EFCAB11: variants seen among roughly 807,000 people sequenced by gnomAD.
EFCAB11 encodes the protein EF-hand calcium-binding domain-containing protein 11.
A neutral mutation model predicts 23.0 loss-of-function variants in EFCAB11; 14 were observed. The ratio of observed to expected loss-of-function variants is 0.61; its 90% CI spans 0.40 to 0.95. The LOEUF is 0.95. Among genes scored for constraint, EFCAB11 ranks in the 40% least tolerant of loss-of-function variants. The probability of loss-of-function intolerance (pLI) is 0.00; values close to 1 mark genes in which losing one functional copy is unlikely to be tolerated. For missense variants in EFCAB11, 198 were observed against 195.8 expected (o/e 1.01, Z -0.07); for synonymous variants, 65 against 66.6 (o/e 0.98, Z 0.11).
intron 5 of EFCAB11, among the ~76,000 whole-genome samples, chr14:89,860,295 C>T (rs534666210): frequency 2.6e-5 from 4 of 152,108 alleles, no homozygotes; most frequent in African/African-American, 9.6e-5. Flanking sequence ...ACCCAGGAGG[C>T]GGAGGTTGCA....
At chr14:89,881,856 T>A (rs1035010698) in intron 5 of EFCAB11, among the ~76,000 whole-genome samples, 1 of 152,228 alleles carries the variant, frequency 6.6e-6, no homozygotes, top group Non-Finnish European at 1.5e-5. Context: ...AAGTTGACAG[T>A]GTGCATGCAC....
chr14:89,953,192 G>A (rs1160359906), intron 2 of EFCAB11, among the ~76,000 whole-genome samples: 1 of 150,508 alleles, frequency 6.6e-6, no homozygotes. Flanking sequence ...GTGTATCATT[G>A]CAGCAATGTT....
At chr14:89,839,404 G>A (rs769653458) in intron 5 of EFCAB11, among the ~76,000 whole-genome samples, 3 of 152,120 alleles carry the variant, frequency 2.0e-5, no homozygotes, top group Non-Finnish European at 2.9e-5. Flanking sequence ...TAACAGAGTG[G>A]TCAGACTGTG....
chr14:89,813,172 C>T (rs11629338), intron 5 of EFCAB11, among the ~76,000 whole-genome samples: 85,065 of 151,988 alleles, frequency 0.56, 23,974 homozygotes, highest in Middle Eastern at 0.66. Context: ...AAATAATACT[C>T]GGTCATTGGT....
intron 5 of EFCAB11, among the ~76,000 whole-genome samples, chr14:89,874,668 T>A (rs572562420): frequency 9.2e-5 from 14 of 152,026 alleles, no homozygotes; most frequent in Non-Finnish European, 1.5e-5. Context: ...GAGGCCAAGG[T>A]GGGTGGATCA....
intron 5 of EFCAB11, among the ~76,000 whole-genome samples, chr14:89,901,861 T>C (rs1889348764): frequency 6.6e-6 from 1 of 152,140 alleles, no homozygotes; most frequent in African/African-American, 2.4e-5. Context: ...ATACATGATA[T>C]TCAAAGACAA....
chr14:89,946,641 T>C (rs1273584749), intron 3 of EFCAB11, among the ~76,000 whole-genome samples: 1 of 151,936 alleles, frequency 6.6e-6, no homozygotes. Context: ...GGTATGATAA[T>C]GGCTAAGTGC....
chr14:89,853,325 T>C (rs1304580998), intron 5 of EFCAB11, among the ~76,000 whole-genome samples: 4 of 152,214 alleles, frequency 2.6e-5, no homozygotes, highest in Non-Finnish European at 5.9e-5. Flanking sequence ...TTTAATCTGA[T>C]GAATTGGTTA....
chr14:89,918,628 T>C (rs1420515279), intron 5 of EFCAB11, among the ~76,000 whole-genome samples: 1 of 151,566 alleles, frequency 6.6e-6, no homozygotes, highest in Non-Finnish European at 1.5e-5. Context: ...GAAGAGGCCA[T>C]GATCCTCTCC....
At chr14:89,877,481 G>T (rs897237708) in intron 5 of EFCAB11, among the ~76,000 whole-genome samples, 2 of 152,194 alleles carry the variant, frequency 1.3e-5, no homozygotes, top group African/African-American at 4.8e-5. Context: ...AATTCAGAAC[G>T]AGGTGGCGAA....
At chr14:89,927,518 A>G (rs1274926584) in intron 5 of EFCAB11, among the ~76,000 whole-genome samples, 1 of 152,204 alleles carries the variant, frequency 6.6e-6, no homozygotes, top group East Asian at 1.9e-4. Flanking sequence ...AGCGTCTCAA[A>G]AAGTGAACGT....
At chr14:89,880,901 G>A (rs950244223) in intron 5 of EFCAB11, among the ~76,000 whole-genome samples, 7 of 152,120 alleles carry the variant, frequency 4.6e-5, no homozygotes, top group African/African-American at 9.7e-5. Context: ...ATGCCTACAT[G>A]CACATGGAAA....
intron 5 of EFCAB11, chr14:89,836,953 T>C: frequency 2.2e-6 from 1 of 447,280 alleles, no homozygotes; most frequent in South Asian, 1.6e-5. Flanking sequence ...CAGGAGGAAG[T>C]GGAGGCTGCA....
At chr14:89,891,616 G>C (rs1173691505) in intron 5 of EFCAB11, among the ~76,000 whole-genome samples, 1 of 152,114 alleles carries the variant, frequency 6.6e-6, no homozygotes, top group African/African-American at 2.4e-5. Context: ...CTAATTCACT[G>C]TATGAGGCCA....
chr14:89,937,551 G>A (rs1441967766), intron 3 of EFCAB11, among the ~76,000 whole-genome samples: 1 of 151,932 alleles, frequency 6.6e-6, no homozygotes, highest in Non-Finnish European at 1.5e-5. Flanking sequence ...ATTTTAGATG[G>A]AGTCTCACTC....
chr14:89,891,638 A>C (rs1888967500), intron 5 of EFCAB11, among the ~76,000 whole-genome samples: 1 of 152,210 alleles, frequency 6.6e-6, no homozygotes, highest in Non-Finnish European at 1.5e-5. Flanking sequence ...TATAAGCTTG[A>C]AATGAAACAA....
chr14:89,942,144 C>T (rs1255070145), intron 3 of EFCAB11, among the ~76,000 whole-genome samples: 1 of 152,174 alleles, frequency 6.6e-6, no homozygotes, highest in East Asian at 1.9e-4. Flanking sequence ...GTCATGCTTC[C>T]TGTTAAGTCT....
chr14:89,852,787 A>AC (rs1335529941), intron 5 of EFCAB11, among the ~76,000 whole-genome samples: 1 of 152,202 alleles, frequency 6.6e-6, no homozygotes, highest in East Asian at 1.9e-4. Flanking sequence ...TATAACATTT[A>AC]CCACCTTAGC....
intron 5 of EFCAB11, among the ~76,000 whole-genome samples, chr14:89,913,579 A>T (rs1479205086): frequency 2.6e-5 from 4 of 152,176 alleles, no homozygotes; most frequent in Non-Finnish European, 5.9e-5. Flanking sequence ...AATCTAATCA[A>T]AGATGTTAGT....
Sources: gnomAD v4.1 joint callset for allele counts (sites outside exome capture counted in the v4.1 genomes callset) on GRCh38, gnomAD v4.1.1 for gene constraint, MANE v1.5 for transcripts, NCBI Gene and HGNC (gene_info 2026-07-23, HGNC 2026-07-21) for gene names.